The following EHMT1 variants were observed in gnomAD, a reference collection of about 807,000 sequenced individuals.
EHMT1 encodes euchromatic histone lysine methyltransferase 1.
Under a neutral mutation model 147.2 loss-of-function variants are expected in EHMT1, and 15 were observed. The observed-to-expected ratio is 0.10, with a 90% CI of 0.07 to 0.16. EHMT1 has a LOEUF of 0.16. Ranked by LOEUF, EHMT1 falls within the 10% of genes least tolerant of loss-of-function variation. The pLI is 1.00. For synonymous variants in EHMT1, 795 were observed against 709.6 expected (o/e 1.12, Z -1.91); for missense variants, 1,587 against 1,772.4 (o/e 0.90, Z 1.88).
chr9:137,771,223 G>A (rs1270899220), intron 10 of EHMT1, among the ~76,000 whole-genome samples: 1 of 116,000 alleles, frequency 8.6e-6, no homozygotes, highest in Non-Finnish European at 1.7e-5. Context: ...TTTTTGAGAT[G>A]GAGTCTTGCT....
intron 24 of EHMT1, 46 bp downstream of exon 24, chr9:137,817,571 A>C (rs1357100169): frequency 2.5e-6 from 4 of 1,609,802 alleles, no homozygotes; most frequent in Non-Finnish European, 3.4e-6. Flanking sequence ...CATTTCTGGG[A>C]CGGAGGCCCA....
chr9:137,817,813 G>C (rs1456295870), intron 24 of EHMT1: 1 of 624,062 alleles, frequency 1.6e-6, no homozygotes, highest in Non-Finnish European at 2.8e-6. Flanking sequence ...TCATCTCTAG[G>C]GGAGGACCAT....
At chr9:137,821,129 G>A (rs1955381972) in intron 25 of EHMT1, among the ~76,000 whole-genome samples, 1 of 152,084 alleles carries the variant, frequency 6.6e-6, no homozygotes, top group African/African-American at 2.4e-5. Flanking sequence ...GCCTGCCTTG[G>A]CCTCCCAAAG....
At chr9:137,736,836 A>G (rs936197792) in intron 4 of EHMT1, among the ~76,000 whole-genome samples, 5 of 152,156 alleles carry the variant, frequency 3.3e-5, no homozygotes, top group Non-Finnish European at 7.3e-5. Context: ...GGTTGCAGTG[A>G]GCCAAGATCA....
intron 10 of EHMT1, chr9:137,763,145 G>A: frequency 1.8e-6 from 1 of 546,110 alleles, no homozygotes; most frequent in East Asian, 3.2e-5. Flanking sequence ...GATTGAGGCA[G>A]GATAGTCACA....
chr9:137,718,501 T>C (rs559686164), intron 3 of EHMT1, among the ~76,000 whole-genome samples: 2 of 152,348 alleles, frequency 1.3e-5, no homozygotes, highest in Admixed American at 1.3e-4. Flanking sequence ...GCCCTGTCAA[T>C]TGGAGGATTT....
Position 137,716,612 on chromosome 9 carries a change from T to G in EHMT1, c.86-14T>G. ...GTGGCCTGCAGTCAGTGACACTCGT[T>G]TCTTTGTTGGCAGAGACACCTATGG... On this transcript the variant is annotated splice_polypyrimidine_tract_variant and intron_variant, in intron 2 of 26. Transcript: ENST00000460843. 1 of 1,543,714 alleles carries G rather than the reference T, an allele frequency of 6.5e-7. No individual in the cohort carries two copies. The highest frequency in any genetic ancestry group is 1.4e-5 in the African/African-American group (1 of 72,788).
chr9:137,642,834 T>C (rs945872964), intron 1 of EHMT1, among the ~76,000 whole-genome samples: 1 of 152,226 alleles, frequency 6.6e-6, no homozygotes, highest in African/African-American at 2.4e-5. Context: ...ATGTAGCTGC[T>C]TTTATACTTT....
At chr9:137,681,441 T>G (rs1434910588) in intron 1 of EHMT1, among the ~76,000 whole-genome samples, 3 of 152,236 alleles carry the variant, frequency 2.0e-5, no homozygotes, top group Non-Finnish European at 4.4e-5. Context: ...GGAACTTGGC[T>G]TAATATATTA....
intron 17 of EHMT1, among the ~76,000 whole-genome samples, chr9:137,799,234 G>A (rs1292689374): frequency 6.6e-6 from 1 of 151,968 alleles, no homozygotes; most frequent in East Asian, 1.9e-4. Context: ...TCCCCTCCCT[G>A]TCCCCTTCTT....
At chr9:137,679,716 C>T (rs1476583900) in intron 1 of EHMT1, among the ~76,000 whole-genome samples, 2 of 152,088 alleles carry the variant, frequency 1.3e-5, no homozygotes, top group African/African-American at 4.8e-5. Flanking sequence ...TGTACTTAGC[C>T]AAATACATTG....
chr9:137,640,580 A>G (rs1308784306), intron 1 of EHMT1, among the ~76,000 whole-genome samples: 2 of 152,142 alleles, frequency 1.3e-5, no homozygotes, highest in Non-Finnish European at 2.9e-5. Context: ...CCTGGTCTGA[A>G]ATTTTCTTTT....
intron 1 of EHMT1, among the ~76,000 whole-genome samples, chr9:137,683,886 G>A (rs1010667310): frequency 1.3e-4 from 19 of 150,648 alleles, no homozygotes; most frequent in African/African-American, 3.7e-4. Flanking sequence ...CTCCACCCCC[G>A]CAGCTTGTAT....
At chr9:137,814,629 G>T (rs1954776810) in intron 22 of EHMT1, 121 bp downstream of exon 22, 2 of 1,153,978 alleles carry the variant, frequency 1.7e-6, no homozygotes. Context: ...GGAGTTGGAG[G>T]TGAGCTGGGT....
intron 3 of EHMT1, among the ~76,000 whole-genome samples, chr9:137,725,195 G>A (rs1472636987): frequency 1.0e-4 from 15 of 149,874 alleles, no homozygotes; most frequent in African/African-American, 3.5e-4. Flanking sequence ...ACGTGGGGCA[G>A]GTGTGTGGCC....
intron 1 of EHMT1, among the ~76,000 whole-genome samples, chr9:137,661,170 C>G (rs1013607952): frequency 1.3e-5 from 2 of 152,112 alleles, no homozygotes; most frequent in Admixed American, 6.6e-5. Flanking sequence ...ATAGAATTCC[C>G]ATAGGTCCTT....
rs377320362 is a variant in EHMT1, at chr9:137,816,012, G to C, written c.3324G>C (p.Ala1108=). The change falls in exon 23 of 27, where the codon GCG becomes GCC. Residue 1108 remains alanine, a synonymous_variant. Coordinates refer to ENST00000460843, the MANE Select transcript of EHMT1 (RefSeq NM_024757.5). The part of the protein sequence containing the change: ...EPPLIFECNH[A]CSCWRNCRNR... ...CCTTGATCTTCGAATGCAACCACGCGTGCTCCTGCTGGAGGAACTGCCGAA... is the reference window on the plus strand; with the variant it reads ...CCTTGATCTTCGAATGCAACCACGCCTGCTCCTGCTGGAGGAACTGCCGAA... The C allele has an allele frequency of 1.2e-6, 2 of 1,613,222 alleles. No individual in the cohort carries two copies. Among genetic ancestry groups the C allele is most frequent in the South Asian group, 2.2e-5 (2 of 90,814 alleles).
rs115456750 is a variant in EHMT1, at chr9:137,702,645, G to A, written c.22-8322G>A. Among the ~76,000 whole-genome samples the A allele has an allele frequency of 4.1e-3, 630 of 152,266 alleles. 9 individuals carry two copies. The highest frequency in any genetic ancestry group is 0.014 in the African/African-American group (580 of 41,562). On this transcript the variant is annotated intron_variant, in intron 1 of 26. Coordinates refer to ENST00000460843, the MANE Select transcript of EHMT1 (RefSeq NM_024757.5). Reference sequence around the variant, plus strand: ...CTTTTCTAGGCGTGTGGTACAAGCCGTAGATGGATCTACCATTCTGGGGTC... The same window carrying A: ...CTTTTCTAGGCGTGTGGTACAAGCCATAGATGGATCTACCATTCTGGGGTC...
intron 4 of EHMT1, 132 bp downstream of exon 4, chr9:137,728,661 C>A: frequency 8.0e-7 from 1 of 1,256,774 alleles, no homozygotes; most frequent in Non-Finnish European, 1.1e-6. Flanking sequence ...GTCAGCTGGC[C>A]CTCCTGTGCT....
Sources: allele counts gnomAD v4.1 joint callset (sites outside exome capture counted in the v4.1 genomes callset), GRCh38; gene constraint gnomAD v4.1.1; transcripts MANE v1.5; gene names NCBI Gene and HGNC (gene_info 2026-07-23, HGNC 2026-07-21).